The following RAG1 variants were observed in gnomAD, a reference collection of about 807,000 sequenced individuals.
The protein encoded by RAG1 is V(D)J recombination-activating protein 1.
Under a neutral mutation model 62.7 loss-of-function variants are expected in RAG1, and 35 were observed. The ratio of observed to expected loss-of-function variants is 0.56; its 90% CI spans 0.43 to 0.74. The LOEUF (loss-of-function observed/expected upper bound fraction) is 0.74, where lower values mean the gene tolerates loss of function less well. Ranked by LOEUF, RAG1 falls within the 30% of genes least tolerant of loss-of-function variation. The pLI, the probability that RAG1 is intolerant of heterozygous loss-of-function variation, is 0.00. For missense variants in RAG1, 1,169 were observed against 1,278.6 expected, an observed-to-expected ratio of 0.91 and a Z score of 1.31; for synonymous variants, 461 against 470.3, an observed-to-expected ratio of 0.98 and a Z score of 0.26.
chr11:36,539,494 A>G (rs760364759), downstream of RAG1, among the ~76,000 whole-genome samples: 1 of 151,798 alleles, frequency 6.6e-6, no homozygotes, highest in Non-Finnish European at 1.5e-5. Context: ...TTTTGTTTTT[A>G]GTTTTTTCGA....
At chr11:36,549,682 C>A (rs1282740784) in intron 3 of RAG1, among the ~76,000 whole-genome samples, 1 of 152,120 alleles carries the variant, frequency 6.6e-6, no homozygotes, top group Non-Finnish European at 1.5e-5. Context: ...TAAATTAGTT[C>A]AACTGTTGTG....
At chr11:36,564,827 C>G (rs561709261), upstream of RAG1, among the ~76,000 whole-genome samples, 1 of 152,174 alleles carries the variant, frequency 6.6e-6, no homozygotes, top group Non-Finnish European at 1.5e-5. Flanking sequence ...GATCTAGCGA[C>G]GACCTGTTAA....
At chr11:36,541,579 C>T (rs1860418229) in intron 3 of RAG1, among the ~76,000 whole-genome samples, 1 of 152,028 alleles carries the variant, frequency 6.6e-6, no homozygotes, top group African/African-American at 2.4e-5. Flanking sequence ...GACAAAGTGC[C>T]TTGAATTGGC....
Position 36,575,619 on chromosome 11 carries a change from T to C in RAG1, c.2315T>C (p.Val772Ala), listed in dbSNP as rs1850833594. 6.2e-7 allele frequency: 1 copy of C among 1,614,088 alleles called. No individual in the cohort carries two copies. Among genetic ancestry groups the C allele is most frequent in the Non-Finnish European group, 8.5e-7 (1 of 1,180,044 alleles). ...VWRSNPYHESVEELRDRVKGV... is the reference protein window; with the variant it reads ...VWRSNPYHESAEELRDRVKGV... ...CGTTCCAACCCTTACCATGAGTCTG[T>C]GGAAGAACTGCGGGATCGGGTGAAA... Residue 772 changes from valine to alanine, a missense_variant, in exon 2 of 2, where the codon GTG becomes GCG. Physicochemically the swap from Val to Ala is moderately conservative, Grantham distance 64. Transcript: ENST00000299440. The surrounding 1 kb of genome is among the most constrained non-coding windows in gnomAD (Gnocchi z 4.1).
intron 3 of RAG1, among the ~76,000 whole-genome samples, chr11:36,545,632 G>T (rs1446853299): frequency 6.6e-6 from 1 of 152,158 alleles, no homozygotes; most frequent in East Asian, 1.9e-4. Flanking sequence ...TTGCCAAATT[G>T]CTGTCCATAC....
Position 36,544,851 on chromosome 11 carries a change from G to A in RAG1, c.-412+8817G>A, listed in dbSNP as rs7938803. On this transcript the variant is annotated intron_variant and NMD_transcript_variant, in intron 3 of 9. Coordinates refer to the RAG1 transcript ENST00000534663. Reference sequence around the variant, plus strand: ...AGATCTGATGGTTTAAAAGTGTGTGGCGGATCCCCCCTCGTTCTCTCTTTT... The same window carrying A: ...AGATCTGATGGTTTAAAAGTGTGTGACGGATCCCCCCTCGTTCTCTCTTTT... Among the ~76,000 whole-genome samples the A allele has an allele frequency of 4.8e-3, 726 of 152,216 alleles. 5 individuals are homozygous for A. The highest frequency in any genetic ancestry group is 7.5e-3 in the Non-Finnish European group (512 of 68,006).
At chr11:36,571,982 C>G (rs1288634911) in intron 1 of RAG1, among the ~76,000 whole-genome samples, 1 of 152,138 alleles carries the variant, frequency 6.6e-6, no homozygotes, top group African/African-American at 2.4e-5. Context: ...AAAGCGGGGA[C>G]TTGAAAAGAG....
Position 36,575,603 on chromosome 11 carries a change from C to T in RAG1, c.2299C>T (p.Pro767Ser). Residue 767 changes from proline to serine, a missense_variant, in exon 2 of 2, where the codon CCT becomes TCT. Coordinates refer to ENST00000299440, the MANE Select transcript of RAG1 (RefSeq NM_000448.3). This position sits in a 1 kb window ranked among gnomAD's most constrained non-coding sequence, Gnocchi z 4.1. ...LERYEVWRSNPYHESVEELRD... is the reference protein window; with the variant it reads ...LERYEVWRSNSYHESVEELRD... ...ACGTTATGAGGTCTGGCGTTCCAAC[C>T]CTTACCATGAGTCTGTGGAAGAACT... 1 of 1,614,196 alleles carries T rather than the reference C, an allele frequency of 6.2e-7. No homozygotes were observed. Among genetic ancestry groups the T allele is most frequent in the Non-Finnish European group, 8.5e-7 (1 of 1,180,048 alleles).
intron 1 of RAG1, among the ~76,000 whole-genome samples, chr11:36,572,637 A>G (rs1316949093): frequency 6.6e-6 from 1 of 152,218 alleles, no homozygotes; most frequent in East Asian, 1.9e-4. Context: ...CTTATAATTT[A>G]CAACAGCATT....
downstream of RAG1, among the ~76,000 whole-genome samples, chr11:36,540,710 T>C (rs924234456): frequency 1.2e-4 from 18 of 152,190 alleles, no homozygotes; most frequent in Non-Finnish European, 2.1e-4. Flanking sequence ...CTGGCCTCTT[T>C]TCTTCGTTTT....
At chr11:36,531,986 C>T (rs1297411647) in intron 2 of RAG1, among the ~76,000 whole-genome samples, 1 of 151,896 alleles carries the variant, frequency 6.6e-6, no homozygotes. Context: ...AATACCTTTT[C>T]ATTTCTTAAT....
At chr11:36,557,600 C>T (rs369804307) in intron 3 of RAG1, among the ~76,000 whole-genome samples, 29 of 152,162 alleles carry the variant, frequency 1.9e-4, no homozygotes, top group African/African-American at 4.1e-4. Context: ...AGCTGTAGAC[C>T]GGAGCTGTTC....
chr11:36,543,499 A>C (rs137854928), intron 3 of RAG1, among the ~76,000 whole-genome samples: 13 of 152,008 alleles, frequency 8.6e-5, no homozygotes, highest in African/African-American at 2.9e-4. Flanking sequence ...TCAGATCCCA[A>C]AGCTTATTGG....
downstream of RAG1, among the ~76,000 whole-genome samples, chr11:36,538,211 A>G (rs990600346): frequency 1.3e-5 from 2 of 152,166 alleles, no homozygotes; most frequent in African/African-American, 4.8e-5. Context: ...ATTTTGTTCT[A>G]TTACTGATCC....
chr11:36,578,844 CA>C lies in RAG1; in HGVS notation c.*2409del, dbSNP rs1475596703. ...CTATTGCAAGTGCAATTATATACTC[CA>C]GGGAAATTCACCACACTGAATCGAG... On this transcript the variant is annotated 3_prime_UTR_variant, in exon 2 of 2. Transcript: ENST00000299440. 3 of 167,112 alleles carry C rather than the reference CA, an allele frequency of 1.8e-5. No individual in the cohort carries two copies. Among genetic ancestry groups the C allele is most frequent in the African/African-American group, 7.2e-5 (3 of 41,536 alleles). 10.4% of individuals were successfully genotyped at this position (167,112 alleles called of 1,614,324 possible).
intron 3 of RAG1, among the ~76,000 whole-genome samples, chr11:36,545,172 A>G (rs901369324): frequency 6.6e-6 from 1 of 152,212 alleles, no homozygotes; most frequent in African/African-American, 2.4e-5. Flanking sequence ...GCATTAAAGT[A>G]TATCTGAATA....
downstream of RAG1, among the ~76,000 whole-genome samples, chr11:36,538,811 A>G (rs1289636935): frequency 6.6e-6 from 1 of 152,128 alleles, no homozygotes; most frequent in Non-Finnish European, 1.5e-5. Flanking sequence ...TCATGCTCCA[A>G]AGCCTTTTTG....
chr11:36,544,817 G>T (rs1284827109), intron 3 of RAG1, among the ~76,000 whole-genome samples: 2 of 152,156 alleles, frequency 1.3e-5, no homozygotes, highest in Non-Finnish European at 2.9e-5. Context: ...TTGTGAAGGA[G>T]TTCTCATGAG....
At chr11:36,561,738 C>T (rs1850587617) in intron 3 of RAG1, among the ~76,000 whole-genome samples, 1 of 152,160 alleles carries the variant, frequency 6.6e-6, no homozygotes, top group South Asian at 2.1e-4. Context: ...CTTGTTCTTG[C>T]TCTTCAGACT....
Sources: allele counts gnomAD v4.1 joint callset (sites outside exome capture counted in the v4.1 genomes callset), GRCh38; gene constraint gnomAD v4.1.1; non-coding constraint Gnocchi (gnomAD v3.1); transcripts MANE v1.5; gene names NCBI Gene and HGNC (gene_info 2026-07-23, HGNC 2026-07-21).